Variants in PCDH15 observed in about 807,000 individuals in gnomAD.
PCDH15 encodes protocadherin-15.
Under a neutral mutation model 178.5 loss-of-function variants are expected in PCDH15, and 129 were observed. The observed-to-expected ratio is 0.72, with a 90% CI of 0.63 to 0.84. The LOEUF is 0.84. PCDH15 is among the 40% of genes least tolerant of loss of function. The pLI is 0.00. For missense variants in PCDH15, 2,230 were observed against 2,099.9 expected (o/e 1.06, Z -1.21); for synonymous variants, 800 against 732.0 (o/e 1.09, Z -1.50).
chr10:53,860,471 C>A (rs2079030377), intron 27 of PCDH15, among the ~76,000 whole-genome samples: 1 of 152,112 alleles, frequency 6.6e-6, no homozygotes, highest in East Asian at 1.9e-4. Flanking sequence ...TGCCTCACAC[C>A]TGTAATCACA....
intron 2 of PCDH15, among the ~76,000 whole-genome samples, chr10:54,580,949 C>A (rs1045977981): frequency 3.9e-5 from 6 of 151,960 alleles, no homozygotes; most frequent in African/African-American, 1.4e-4. Context: ...AAGGAACATA[C>A]CTAAAAATAA....
chr10:54,571,445 C>G (rs1341898419), intron 2 of PCDH15, among the ~76,000 whole-genome samples: 1 of 150,928 alleles, frequency 6.6e-6, no homozygotes, highest in East Asian at 2.0e-4. Context: ...TCTGGTAAAT[C>G]TCATCATTAG....
chr10:55,310,105 C>T (rs1373040944), intron 1 of PCDH15, among the ~76,000 whole-genome samples: 1 of 152,088 alleles, frequency 6.6e-6, no homozygotes, highest in Non-Finnish European at 1.5e-5. Context: ...AACTTAAACC[C>T]ATATCAAGCA....
At chr10:54,520,682 T>C (rs12771941) in intron 3 of PCDH15, among the ~76,000 whole-genome samples, 1 of 150,370 alleles carries the variant, frequency 6.7e-6, no homozygotes, top group Non-Finnish European at 1.5e-5. Flanking sequence ...TAGAACTAGA[T>C]ATACCATTTG....
intron 1 of PCDH15, among the ~76,000 whole-genome samples, chr10:54,790,183 G>A (rs1271927698): frequency 6.6e-6 from 1 of 151,716 alleles, no homozygotes; most frequent in Non-Finnish European, 1.5e-5. Context: ...AAGAAAGTAA[G>A]GCCAATTCTT....
intron 2 of PCDH15, chr10:54,600,721 AT>A: frequency 1.9e-6 from 1 of 529,392 alleles, no homozygotes; most frequent in Non-Finnish European, 3.6e-6. Flanking sequence ...CCATACGACA[AT>A]TTCAAAATGC....
At chr10:54,334,882 T>G (rs886512772) in intron 6 of PCDH15, among the ~76,000 whole-genome samples, 1 of 152,182 alleles carries the variant, frequency 6.6e-6, no homozygotes, top group African/African-American at 2.4e-5. Context: ...TCCCTTATCT[T>G]TGTGTCTTTT....
At chr10:54,857,277 ACTAATT>A (rs1336762443) in intron 3 of PCDH15, among the ~76,000 whole-genome samples, 1 of 152,190 alleles carries the variant, frequency 6.6e-6, no homozygotes, top group Non-Finnish European at 1.5e-5. Context: ...ATAAATATAA[ACTAATT>A]CTAACAGTGA....
intron 5 of PCDH15, among the ~76,000 whole-genome samples, chr10:54,355,147 T>A (rs947912147): frequency 2.7e-3 from 265 of 97,918 alleles, no homozygotes; most frequent in African/African-American, 8.3e-3. Context: ...AAAAAAAAAA[T>A]GGCTAAAACC....
chr10:54,315,944 G>T (rs1056294552), intron 8 of PCDH15, among the ~76,000 whole-genome samples: 156 of 127,482 alleles, frequency 1.2e-3, no homozygotes, highest in African/African-American at 3.8e-3. Flanking sequence ...TTTTTTGTTT[G>T]TTTGTTTGTT....
intron 2 of PCDH15, among the ~76,000 whole-genome samples, chr10:55,532,823 C>T (rs1455613748): frequency 6.6e-6 from 1 of 151,974 alleles, no homozygotes; most frequent in Admixed American, 6.6e-5. Flanking sequence ...TTCACAGAAT[C>T]CATGACAGAA....
At chr10:55,249,332 A>C (rs1841771265) in intron 1 of PCDH15, among the ~76,000 whole-genome samples, 1 of 152,222 alleles carries the variant, frequency 6.6e-6, no homozygotes, top group Non-Finnish European at 1.5e-5. Context: ...ATTCTGACCT[A>C]GTGGTTGGAA....
At chr10:53,922,038 A>AT (rs148559778) in intron 25 of PCDH15, among the ~76,000 whole-genome samples, 9 of 151,244 alleles carry the variant, frequency 6.0e-5, no homozygotes, top group African/African-American at 1.2e-4. Flanking sequence ...CATCATTTTA[A>AT]TTTTTTTTTG....
At chr10:55,075,132 T>A (rs907643295) in intron 2 of PCDH15, among the ~76,000 whole-genome samples, 2 of 152,134 alleles carry the variant, frequency 1.3e-5, no homozygotes, top group African/African-American at 4.8e-5. Context: ...CACTACTTCT[T>A]ATTGATCTAT....
intron 18 of PCDH15, among the ~76,000 whole-genome samples, chr10:54,030,371 C>T (rs1030595651): frequency 2.1e-5 from 3 of 143,126 alleles, no homozygotes; most frequent in Non-Finnish European, 3.0e-5. Flanking sequence ...CAATAGTTGT[C>T]TTTTTTTTTT....
rs57518006 is a variant in PCDH15, at chr10:55,268,354, TAC to T, written c.-156+51243_-156+51244del. Among the ~76,000 whole-genome samples the T allele has an allele frequency of 1.9e-3, 288 of 152,258 alleles. 1 individual carries two copies. Among genetic ancestry groups the T allele is most frequent in the African/African-American group, 6.8e-3 (282 of 41,564 alleles). ...ATATGTACACAAAAACACAAATACATACACACAAAATCACATACCAAAATATT... is the reference window on the plus strand; with the variant it reads ...ATATGTACACAAAAACACAAATACATACACAAAATCACATACCAAAATATT... On this transcript the variant is annotated intron_variant, in intron 1 of 5. Transcript: ENST00000458638.
At chr10:53,855,255 A>T (rs2078647284) in intron 28 of PCDH15, among the ~76,000 whole-genome samples, 1 of 152,066 alleles carries the variant, frequency 6.6e-6, no homozygotes, top group South Asian at 2.1e-4. Flanking sequence ...AAGGGTTAAA[A>T]TTTGAAGCTG....
At chr10:55,495,408 T>G (rs1292041043) in intron 2 of PCDH15, among the ~76,000 whole-genome samples, 4 of 151,746 alleles carry the variant, frequency 2.6e-5, no homozygotes, top group Non-Finnish European at 5.9e-5. Context: ...TTATCAGAAC[T>G]CAATAATAAA....
At chr10:54,767,201 TACAA>T (rs921402501) in intron 1 of PCDH15, among the ~76,000 whole-genome samples, 5 of 150,648 alleles carry the variant, frequency 3.3e-5, no homozygotes, top group African/African-American at 1.2e-4. Flanking sequence ...AAATACTGAA[TACAA>T]ACAGAGAGTA....
Sources: allele counts gnomAD v4.1 joint callset (sites outside exome capture counted in the v4.1 genomes callset), GRCh38; gene constraint gnomAD v4.1.1; transcripts MANE v1.5; gene names NCBI Gene and HGNC (gene_info 2026-07-23, HGNC 2026-07-21).